The following SEMA3E variants were observed in gnomAD, a reference collection of about 807,000 sequenced individuals.
The protein encoded by SEMA3E is semaphorin 3E.
SEMA3E carries 49 observed loss-of-function variants against 93.6 expected under a neutral mutation model. That is an observed-to-expected ratio of 0.52 (90% CI 0.42 to 0.66). SEMA3E has a LOEUF of 0.66. SEMA3E is among the 30% of genes least tolerant of loss of function. SEMA3E has a pLI of 0.00. For synonymous variants in SEMA3E, 363 were observed against 330.7 expected, an observed-to-expected ratio of 1.10 and a Z score of -1.06; for missense variants, 906 against 964.8, an observed-to-expected ratio of 0.94 and a Z score of 0.81.
chr7:83,524,899 C>T (rs1271612920), intron 1 of SEMA3E, among the ~76,000 whole-genome samples: 1 of 151,826 alleles, frequency 6.6e-6, no homozygotes, highest in Non-Finnish European at 1.5e-5. Flanking sequence ...TCTGTTGGTG[C>T]AGCTCTCATC....
intron 16 of SEMA3E, among the ~76,000 whole-genome samples, chr7:83,382,366 G>C (rs1787792734): frequency 6.6e-6 from 1 of 152,072 alleles, no homozygotes; most frequent in Admixed American, 6.6e-5. Context: ...CACAGCTTTC[G>C]AGTTAGGAAT....
chr7:83,544,560 AAGT>A (rs1319040628), intron 1 of SEMA3E, among the ~76,000 whole-genome samples: 1 of 152,136 alleles, frequency 6.6e-6, no homozygotes, highest in Non-Finnish European at 1.5e-5. Context: ...GCTTTTTCCT[AAGT>A]AATTTATATG....
chr7:83,445,241 C>T (rs1229083969), intron 4 of SEMA3E, among the ~76,000 whole-genome samples: 3 of 152,130 alleles, frequency 2.0e-5, no homozygotes. Flanking sequence ...TTAGAAAATG[C>T]TGGAGTCAAT....
intron 1 of SEMA3E, among the ~76,000 whole-genome samples, chr7:83,498,465 A>G (rs1790534810): frequency 6.6e-6 from 1 of 151,742 alleles, no homozygotes; most frequent in Non-Finnish European, 1.5e-5. Flanking sequence ...TTGTGTACTT[A>G]ATAAAATCAG....
rs542828769 is a variant in SEMA3E, at chr7:83,431,315, G to C, written c.457-12832C>G. Among the ~76,000 whole-genome samples the C allele has an allele frequency of 5.5e-4, 82 of 150,172 alleles. 2 individuals carry two copies. The highest frequency in any genetic ancestry group is 1.8e-3 in the African/African-American group (74 of 40,894). ...GAAATGTAAAAATTAATTAATGTAGGGTTAAATTTCTTGGAAAGTTAAATT... is the reference window on the plus strand; with the variant it reads ...GAAATGTAAAAATTAATTAATGTAGCGTTAAATTTCTTGGAAAGTTAAATT... On this transcript the variant is annotated intron_variant, in intron 4 of 16. Coordinates refer to ENST00000643230, the MANE Select transcript of SEMA3E (RefSeq NM_012431.3).
intron 1 of SEMA3E, among the ~76,000 whole-genome samples, chr7:83,581,248 T>C (rs1369082540): frequency 6.6e-6 from 1 of 152,000 alleles, no homozygotes; most frequent in African/African-American, 2.4e-5. Flanking sequence ...TACCTGCCCT[T>C]TGTGTATCAT....
At position 83,363,497 on chromosome 7, in the gene SEMA3E, G is replaced by A. The variant is rs1204289360; in HGVS notation, c.*4089C>T. On this transcript the variant is annotated 3_prime_UTR_variant, in exon 17 of 17. Coordinates refer to ENST00000643230, the MANE Select transcript of SEMA3E (RefSeq NM_012431.3). ...ATACAGAGAAGAACACTCCCATATA[G>A]TGCTCTAGCTTATAAGTAAGCCATT... The A allele has an allele frequency of 2.0e-5, 3 of 151,972 alleles. No homozygotes were observed. The highest frequency in any genetic ancestry group is 1.3e-4 in the Admixed American group (2 of 15,242). The allele number at this position is 151,972 out of a possible 1,614,324, so 9.4% of individuals were successfully genotyped here.
intron 4 of SEMA3E, among the ~76,000 whole-genome samples, chr7:83,433,991 AAAAT>A (rs1788945537): frequency 6.6e-6 from 1 of 152,068 alleles, no homozygotes; most frequent in Non-Finnish European, 1.5e-5. Flanking sequence ...AATTTTCTTT[AAAAT>A]AATTATTTAT....
chr7:83,446,244 C>T (rs994538787), intron 4 of SEMA3E, among the ~76,000 whole-genome samples: 1 of 152,158 alleles, frequency 6.6e-6, no homozygotes, highest in Admixed American at 6.5e-5. Flanking sequence ...GCAACTTGGA[C>T]AATGCCAAGA....
intron 1 of SEMA3E, among the ~76,000 whole-genome samples, chr7:83,642,347 A>C (rs1318015342): frequency 2.6e-5 from 4 of 152,160 alleles, no homozygotes. Context: ...TCGAGTAATC[A>C]GTTGTCTTGG....
At chr7:83,499,342 A>G (rs1790551521) in intron 1 of SEMA3E, among the ~76,000 whole-genome samples, 6 of 152,164 alleles carry the variant, frequency 3.9e-5, no homozygotes, top group Admixed American at 3.9e-4. Flanking sequence ...TTCCCTGACT[A>G]TATGCAAGAG....
chr7:83,597,380 G>T (rs1168424408), intron 1 of SEMA3E, among the ~76,000 whole-genome samples: 1 of 152,134 alleles, frequency 6.6e-6, no homozygotes, highest in African/African-American at 2.4e-5. Flanking sequence ...ATGTGTCTCA[G>T]CCAAGAAGGG....
At chr7:83,616,055 C>A (rs987340218) in intron 1 of SEMA3E, among the ~76,000 whole-genome samples, 1 of 151,690 alleles carries the variant, frequency 6.6e-6, no homozygotes, top group African/African-American at 2.4e-5. Flanking sequence ...AGAGATTAGA[C>A]CATGAGCTAG....
chr7:83,443,115 A>G (rs1789153139), intron 4 of SEMA3E, among the ~76,000 whole-genome samples: 1 of 152,222 alleles, frequency 6.6e-6, no homozygotes. Context: ...TAAAGCTGAC[A>G]CAGCAAAGAG....
rs188053070 is a variant in SEMA3E, at chr7:83,497,327, G to A, written c.116-7053C>T. Among the ~76,000 whole-genome samples the A allele has an allele frequency of 1.2e-3, 187 of 152,184 alleles. 1 individual carries two copies. Among genetic ancestry groups the A allele is most frequent in the Admixed American group, 0.011 (161 of 15,268 alleles). On this transcript the variant is annotated intron_variant, in intron 1 of 16. Transcript: ENST00000643230. ...AAACAAAAATAGATTTCAGGGGAGA[G>A]GTGTTTCTTTCTTGAATGCACATTT...
intron 4 of SEMA3E, among the ~76,000 whole-genome samples, chr7:83,423,015 C>T (rs900615456): frequency 1.3e-5 from 2 of 152,060 alleles, no homozygotes; most frequent in African/African-American, 4.8e-5. Flanking sequence ...GAATTTTAGC[C>T]TGTGACTGTG....
At chr7:83,620,643 T>C (rs1214915650) in intron 1 of SEMA3E, among the ~76,000 whole-genome samples, 2 of 152,102 alleles carry the variant, frequency 1.3e-5, no homozygotes, top group Non-Finnish European at 1.5e-5. Flanking sequence ...AAAAAGCTTA[T>C]CCACTATGAT....
chr7:83,590,629 G>A (rs562698529), intron 1 of SEMA3E, among the ~76,000 whole-genome samples: 79 of 152,246 alleles, frequency 5.2e-4, no homozygotes, highest in Middle Eastern at 3.4e-3. Context: ...GGGATAAGGG[G>A]AAGGGATTTT....
intron 1 of SEMA3E, among the ~76,000 whole-genome samples, chr7:83,536,954 AG>A (rs893175605): frequency 1.3e-3 from 192 of 152,212 alleles, no homozygotes; most frequent in African/African-American, 4.3e-3. Context: ...AAAGTAATTA[AG>A]GTCATTAAGG....
Sources: gnomAD v4.1 joint callset for allele counts (sites outside exome capture counted in the v4.1 genomes callset) on GRCh38, gnomAD v4.1.1 for gene constraint, MANE v1.5 for transcripts, NCBI Gene and HGNC (gene_info 2026-07-23, HGNC 2026-07-21) for gene names.